Variants in ACVR2A observed in about 807,000 individuals in gnomAD.
ACVR2A encodes the protein activin A receptor type 2A.
Under a neutral mutation model 61.4 loss-of-function variants are expected in ACVR2A, and 7 were observed. The observed-to-expected ratio is 0.11, with a 90% CI of 0.06 to 0.21. ACVR2A has a LOEUF of 0.21. Among genes scored for constraint, ACVR2A ranks in the 10% least tolerant of loss-of-function variants. ACVR2A has a pLI of 1.00. For synonymous variants in ACVR2A, 193 were observed against 208.3 expected (o/e 0.93, Z 0.63); for missense variants, 322 against 621.7 (o/e 0.52, Z 5.13).
At chr2:147,884,667 T>C (rs891530622) in intron 1 of ACVR2A, among the ~76,000 whole-genome samples, 12 of 152,154 alleles carry the variant, frequency 7.9e-5, no homozygotes, top group Non-Finnish European at 1.2e-4. Context: ...TCTTTTAGTT[T>C]CTTATGCTTA....
At chr2:147,847,407 A>G (rs1373259219) in intron 1 of ACVR2A, among the ~76,000 whole-genome samples, 1 of 152,224 alleles carries the variant, frequency 6.6e-6, no homozygotes, top group Non-Finnish European at 1.5e-5. Flanking sequence ...TTTTTCTACA[A>G]AATGTGTGAT....
intron 2 of ACVR2A, among the ~76,000 whole-genome samples, chr2:147,897,514 G>A (rs1162494159): frequency 6.6e-6 from 1 of 152,132 alleles, no homozygotes; most frequent in Non-Finnish European, 1.5e-5. Flanking sequence ...TCTACTGTGG[G>A]TAGGTGCTGA....
At chr2:147,908,803 G>T (rs1263247864) in intron 4 of ACVR2A, among the ~76,000 whole-genome samples, 2 of 151,846 alleles carry the variant, frequency 1.3e-5, no homozygotes, top group Non-Finnish European at 2.9e-5. Flanking sequence ...GTTGAGTGAG[G>T]TATCTCCACT....
intron 4 of ACVR2A, 70 bp downstream of exon 4, chr2:147,899,968 C>T: frequency 5.4e-6 from 8 of 1,469,358 alleles, no homozygotes; most frequent in Non-Finnish European, 7.5e-6. Context: ...TGTGGTGAAA[C>T]CCACTAACTT....
intron 1 of ACVR2A, among the ~76,000 whole-genome samples, chr2:147,873,949 G>T (rs1686090828): frequency 6.6e-6 from 1 of 151,914 alleles, no homozygotes; most frequent in Non-Finnish European, 1.5e-5. Context: ...GATTGCAGAG[G>T]AATAATGTGG....
At chr2:147,881,762 T>A (rs914909904) in intron 1 of ACVR2A, among the ~76,000 whole-genome samples, 1 of 151,866 alleles carries the variant, frequency 6.6e-6, no homozygotes, top group Non-Finnish European at 1.5e-5. Flanking sequence ...AACTTGTCTA[T>A]CATTAAGTTT....
chr2:147,923,989 A>G (rs752758535), intron 9 of ACVR2A, among the ~76,000 whole-genome samples: 2 of 152,082 alleles, frequency 1.3e-5, no homozygotes, highest in African/African-American at 2.4e-5. Context: ...ATGAAATTCA[A>G]TATAGGGTAC....
rs1685510032 is a variant in ACVR2A at position 147,854,102 on chromosome 2, A to ATT, written c.55+8897_55+8898dup. On this transcript the variant is annotated intron_variant, in intron 1 of 10. Transcript: ENST00000241416. ...AATATAGATTTGGTTCTTGGGGGAT[A>ATT]TTTACATTTGCAGGTTACTTATCAG... 5.9e-5 allele frequency among the ~76,000 whole-genome samples: 9 copies of ATT among 152,270 alleles called. No homozygotes were observed. The South Asian group carries it at 1.9e-3, about 32-fold the overall frequency.
chr2:147,847,017 T>C (rs1004777334), intron 1 of ACVR2A, among the ~76,000 whole-genome samples: 1 of 152,110 alleles, frequency 6.6e-6, no homozygotes, highest in Non-Finnish European at 1.5e-5. Context: ...TTACAGCTTC[T>C]TCTGCTTGGT....
rs575237522 is a variant in ACVR2A at position 147,913,822 on chromosome 2, CAAAAAAAAAAAAA to C, written c.529-1352_529-1340del. ...GTGGGAAGGACAAGCAACTTGTAGA[CAAAAAAAAAAAAA>C]AAAAAAAAAAAAAAAAGTCTGAGTT... is the stretch of plus-strand genomic sequence containing the variant. On this transcript the variant is annotated intron_variant, in intron 4 of 10. Coordinates refer to ENST00000241416, the MANE Select transcript of ACVR2A (RefSeq NM_001616.5). 6.0e-4 allele frequency among the ~76,000 whole-genome samples: 37 copies of C among 61,800 alleles called. No homozygotes were observed. The South Asian group carries it at 0.015, about 25-fold the overall frequency. The allele number at this position is 61,800 out of a possible 152,430, so 40.5% of individuals were successfully genotyped here.
chr2:147,898,476 C>T (rs1686797027), intron 2 of ACVR2A: 1 of 151,722 alleles, frequency 6.6e-6, no homozygotes, highest in Non-Finnish European at 1.5e-5. Flanking sequence ...CTTTAAAAAC[C>T]TCCTGCCAAA....
chr2:147,859,489 CAAAA>C (rs74267449), intron 1 of ACVR2A, among the ~76,000 whole-genome samples: 2 of 91,484 alleles, frequency 2.2e-5, no homozygotes, highest in African/African-American at 4.0e-5. Context: ...TCACCACAGA[CAAAA>C]AAAAAAAAAA....
At chr2:147,893,915 GTGT>G (rs1156698735) in intron 1 of ACVR2A, among the ~76,000 whole-genome samples, 1 of 152,050 alleles carries the variant, frequency 6.6e-6, no homozygotes, top group African/African-American at 2.4e-5. Flanking sequence ...TAGGTCATAT[GTGT>G]TGTTCTAAGA....
chr2:147,923,717 C>G (rs993354237), intron 9 of ACVR2A, among the ~76,000 whole-genome samples: 7 of 152,046 alleles, frequency 4.6e-5, no homozygotes, highest in Non-Finnish European at 8.8e-5. Context: ...ACTCTGTCTT[C>G]AAGTATGTTG....
At chr2:147,902,455 A>G (rs1222178551) in intron 4 of ACVR2A, among the ~76,000 whole-genome samples, 1 of 151,976 alleles carries the variant, frequency 6.6e-6, no homozygotes, top group East Asian at 1.9e-4. Context: ...CCTGTAGGCT[A>G]ATTTATTTTC....
chr2:147,891,452 C>T (rs545212054), intron 1 of ACVR2A, among the ~76,000 whole-genome samples: 3 of 151,328 alleles, frequency 2.0e-5, no homozygotes, highest in African/African-American at 4.9e-5. Flanking sequence ...GGTGGCAGAC[C>T]GCACAACCTA....
chr2:147,866,704 C>T (rs1685864694), intron 1 of ACVR2A, among the ~76,000 whole-genome samples: 2 of 152,000 alleles, frequency 1.3e-5, no homozygotes, highest in African/African-American at 4.8e-5. Flanking sequence ...TGTGGAAGGG[C>T]CATTTTGAGC....
rs1278005002 is a variant in ACVR2A at position 147,899,530 on chromosome 2, A to G, written c.336A>G (p.Glu112=). Residue 112 remains glutamate (E), a synonymous_variant, in exon 3 of 11, where the codon GAA becomes GAG. Coordinates refer to ENST00000241416, the MANE Select transcript of ACVR2A (RefSeq NM_001616.5). Reference sequence around the variant, plus strand: ...GCTGTGAGGGCAATATGTGTAATGAAAAGTTTTCTTATTTTCCGGAGATGG... The same window carrying G: ...GCTGTGAGGGCAATATGTGTAATGAGAAGTTTTCTTATTTTCCGGAGATGG... ...FCCCEGNMCN[E]KFSYFPEMEV... is the part of the protein sequence containing the mutation. The G allele has an allele frequency of 9.3e-6, 15 of 1,613,348 alleles. No homozygotes were observed. The highest frequency in any genetic ancestry group is 1.2e-5 in the Non-Finnish European group (14 of 1,179,608).
intron 1 of ACVR2A, among the ~76,000 whole-genome samples, chr2:147,846,572 A>G (rs1247980851): frequency 6.6e-6 from 1 of 152,116 alleles, no homozygotes; most frequent in Non-Finnish European, 1.5e-5. Context: ...TGAAATGGCG[A>G]TCATTGCCAG....
Sources: allele counts gnomAD v4.1 joint callset (sites outside exome capture counted in the v4.1 genomes callset), GRCh38; gene constraint gnomAD v4.1.1; transcripts MANE v1.5; gene names NCBI Gene and HGNC (gene_info 2026-07-23, HGNC 2026-07-21).